Variants in PKNOX2 observed in about 807,000 individuals in gnomAD.
The protein encoded by PKNOX2 is PBX/knotted 1 homeobox 2.
A neutral mutation model predicts 53.1 loss-of-function variants in PKNOX2; 14 were observed. The ratio of observed to expected loss-of-function variants is 0.26; its 90% CI spans 0.17 to 0.41. The LOEUF (loss-of-function observed/expected upper bound fraction) is 0.41, where lower values mean the gene tolerates loss of function less well. Among genes scored for constraint, PKNOX2 ranks in the 10% least tolerant of loss-of-function variants. The pLI, the probability that PKNOX2 is intolerant of heterozygous loss-of-function variation, is 1.00. For synonymous variants in PKNOX2, 257 were observed against 242.8 expected, an observed-to-expected ratio of 1.06 and a Z score of -0.54; for missense variants, 496 against 602.8, an observed-to-expected ratio of 0.82 and a Z score of 1.85.
At position 125,352,647 on chromosome 11, in the gene PKNOX2, C is replaced by T. The variant is rs532272724; in HGVS notation, c.87+1255C>T. 5.8e-4 allele frequency among the ~76,000 whole-genome samples: 88 copies of T among 152,284 alleles called. 2 individuals carry two copies. The South Asian group carries it at 0.017, about 29-fold the overall frequency. On this transcript the variant is annotated intron_variant, in intron 4 of 12. Transcript: ENST00000298282. The surrounding 1 kb of genome is among the most constrained non-coding windows in gnomAD (Gnocchi z 4.1). ...CAGATGCTGTGGGGCTTCTTTCTAG[C>T]GTACCCAGCATATGGAACACCTTTG...
intron 1 of PKNOX2, among the ~76,000 whole-genome samples, chr11:125,194,659 T>C (rs1957078889): frequency 6.6e-6 from 1 of 152,182 alleles, no homozygotes; most frequent in Non-Finnish European, 1.5e-5. Context: ...CAATGTCCCT[T>C]AGGCCTCATC....
At chr11:125,214,161 C>T (rs146805361) in intron 1 of PKNOX2, among the ~76,000 whole-genome samples, 31 of 152,238 alleles carry the variant, frequency 2.0e-4, no homozygotes, top group South Asian at 6.2e-4. Context: ...CTAATGTCTA[C>T]GCTGTGCCAT....
At chr11:125,177,065 C>A (rs182270117) in intron 1 of PKNOX2, among the ~76,000 whole-genome samples, 1 of 152,178 alleles carries the variant, frequency 6.6e-6, no homozygotes, top group South Asian at 2.1e-4. Context: ...GCAGCTGTGA[C>A]GGGGGTAGAA....
chr11:125,297,432 A>G (rs1947728714), intron 2 of PKNOX2, among the ~76,000 whole-genome samples: 2 of 152,232 alleles, frequency 1.3e-5, no homozygotes, highest in Non-Finnish European at 2.9e-5. Context: ...GTTTAAACAA[A>G]AGCTTAGAGC....
At chr11:125,377,706 G>A (rs1315524496) in intron 5 of PKNOX2, among the ~76,000 whole-genome samples, 3 of 152,180 alleles carry the variant, frequency 2.0e-5, no homozygotes, top group African/African-American at 7.2e-5. Context: ...ATTGGCTTGA[G>A]CCACACATAA....
chr11:125,394,696 A>C (rs968627397), intron 6 of PKNOX2, among the ~76,000 whole-genome samples: 1 of 152,220 alleles, frequency 6.6e-6, no homozygotes, highest in African/African-American at 2.4e-5. Context: ...CTAGGCATCC[A>C]GGAGCTAGCC....
At chr11:125,234,649 TCTGTTCCCCTGCATGGGG>T (rs1942515202) in intron 1 of PKNOX2, among the ~76,000 whole-genome samples, 1 of 152,172 alleles carries the variant, frequency 6.6e-6, no homozygotes, top group African/African-American at 2.4e-5. Context: ...ACCCTTCTGC[TCTGTTCCCCTGCATGGGG>T]TCTTCCAATA....
intron 2 of PKNOX2, among the ~76,000 whole-genome samples, chr11:125,302,305 C>T (rs1348487414): frequency 6.6e-6 from 1 of 152,190 alleles, no homozygotes; most frequent in Non-Finnish European, 1.5e-5. Context: ...ACAGGAGCTT[C>T]CTCTCCAGCC....
intron 2 of PKNOX2, among the ~76,000 whole-genome samples, chr11:125,264,649 G>A (rs993499249): frequency 1.3e-5 from 2 of 151,904 alleles, no homozygotes; most frequent in African/African-American, 4.8e-5. Context: ...ACTTTCAAGG[G>A]GCCTAGTTCT....
intron 3 of PKNOX2, among the ~76,000 whole-genome samples, chr11:125,341,763 G>T (rs1240700129): frequency 6.6e-6 from 1 of 152,276 alleles, no homozygotes; most frequent in African/African-American, 2.4e-5. Flanking sequence ...CACAGCAAAA[G>T]GCACGAGAGC....
intron 2 of PKNOX2, among the ~76,000 whole-genome samples, chr11:125,305,959 A>T (rs1948421548): frequency 6.6e-6 from 1 of 152,222 alleles, no homozygotes; most frequent in Non-Finnish European, 1.5e-5. Context: ...CCTTTTTAAA[A>T]GCCAGGTGTA....
At chr11:125,285,290 C>A (rs759734937) in intron 2 of PKNOX2, among the ~76,000 whole-genome samples, 1 of 152,100 alleles carries the variant, frequency 6.6e-6, no homozygotes, top group Non-Finnish European at 1.5e-5. Context: ...TGAGAAGGAA[C>A]GTTGGGAAAA....
At chr11:125,367,594 C>A (rs1280696819) in intron 4 of PKNOX2, among the ~76,000 whole-genome samples, 1 of 152,180 alleles carries the variant, frequency 6.6e-6, no homozygotes, top group Non-Finnish European at 1.5e-5. Flanking sequence ...CATCTCTTTT[C>A]AGAGTGTGCT....
chr11:125,259,678 C>A (rs192767014), intron 2 of PKNOX2, among the ~76,000 whole-genome samples: 3 of 152,270 alleles, frequency 2.0e-5, no homozygotes, highest in Non-Finnish European at 4.4e-5. Context: ...CTGGGGATGG[C>A]CCACCTGCCT....
At chr11:125,429,488 G>C (rs1469633736) in intron 11 of PKNOX2, among the ~76,000 whole-genome samples, 1 of 152,176 alleles carries the variant, frequency 6.6e-6, no homozygotes, top group Non-Finnish European at 1.5e-5. Flanking sequence ...CTGCAAAGCT[G>C]GGAGTGGGGA....
chr11:125,257,094 TA>T (rs1385957299), intron 2 of PKNOX2, among the ~76,000 whole-genome samples: 1 of 152,176 alleles, frequency 6.6e-6, no homozygotes. Flanking sequence ...TTACTATTAT[TA>T]AATCTTCCCC....
intron 7 of PKNOX2, among the ~76,000 whole-genome samples, chr11:125,406,692 G>A (rs1955121420): frequency 6.6e-6 from 1 of 151,968 alleles, no homozygotes; most frequent in South Asian, 2.1e-4. Flanking sequence ...TTTGACTCTG[G>A]GAAGTCACTT....
chr11:125,332,802 G>T (rs1950213992), intron 3 of PKNOX2: 2 of 152,176 alleles, frequency 1.3e-5, no homozygotes, highest in African/African-American at 4.8e-5. Context: ...TGCAGAGAGG[G>T]AACGAGGGAG....
At chr11:125,241,967 A>T (rs1803889472) in intron 2 of PKNOX2, among the ~76,000 whole-genome samples, 1 of 152,196 alleles carries the variant, frequency 6.6e-6, no homozygotes. Context: ...CTCTCCAGTT[A>T]AGCCCCCAAG....
Sources: allele counts gnomAD v4.1 joint callset (sites outside exome capture counted in the v4.1 genomes callset), GRCh38; gene constraint gnomAD v4.1.1; non-coding constraint Gnocchi (gnomAD v3.1); transcripts MANE v1.5; gene names NCBI Gene and HGNC (gene_info 2026-07-23, HGNC 2026-07-21).